MACROD2: variants seen among roughly 807,000 people sequenced by gnomAD.
MACROD2 encodes ADP-ribose glycohydrolase MACROD2.
In MACROD2, 36 loss-of-function variants were observed where a neutral mutation model predicts 70.4. The observed-to-expected ratio is 0.51, with a 90% CI of 0.39 to 0.68. The LOEUF (loss-of-function observed/expected upper bound fraction) is 0.68. Among genes scored for constraint, MACROD2 ranks in the 30% least tolerant of loss-of-function variants. The probability of loss-of-function intolerance (pLI) is 0.00; values close to 1 mark genes in which losing one functional copy is unlikely to be tolerated. For synonymous variants in MACROD2, 172 were observed against 178.8 expected, an observed-to-expected ratio of 0.96 and a Z score of 0.30; for missense variants, 496 against 538.4, an observed-to-expected ratio of 0.92 and a Z score of 0.78.
At chr20:15,132,670 A>T (rs2123280871) in intron 5 of MACROD2, among the ~76,000 whole-genome samples, 1 of 152,186 alleles carries the variant, frequency 6.6e-6, no homozygotes, top group East Asian at 1.9e-4. Context: ...GAAGAAATCA[A>T]AAGAAAAATT....
chr20:15,157,445 A>T (rs775214687), intron 5 of MACROD2, among the ~76,000 whole-genome samples: 4 of 111,480 alleles, frequency 3.6e-5, no homozygotes, highest in Non-Finnish European at 5.8e-5. Flanking sequence ...TTTAGGGAAG[A>T]CACAGGCATT....
At chr20:15,232,959 T>C (rs979623111) in intron 6 of MACROD2, among the ~76,000 whole-genome samples, 1 of 152,102 alleles carries the variant, frequency 6.6e-6, no homozygotes, top group Non-Finnish European at 1.5e-5. Context: ...AGACCTACTG[T>C]GTACCCTGAC....
At chr20:14,760,648 T>C (rs2072003934) in intron 5 of MACROD2, among the ~76,000 whole-genome samples, 1 of 152,088 alleles carries the variant, frequency 6.6e-6, no homozygotes, top group African/African-American at 2.4e-5. Flanking sequence ...TTGGTTCTTT[T>C]TAACCTTTTA....
intron 4 of MACROD2, among the ~76,000 whole-genome samples, chr20:14,615,625 A>G (rs1440122896): frequency 6.6e-6 from 1 of 152,112 alleles, no homozygotes; most frequent in Admixed American, 6.5e-5. Flanking sequence ...CCATGGGTCT[A>G]GAAGCTCAGG....
chr20:15,365,987 T>C (rs2045403435), intron 6 of MACROD2, among the ~76,000 whole-genome samples: 1 of 152,204 alleles, frequency 6.6e-6, no homozygotes, highest in Admixed American at 6.5e-5. Flanking sequence ...GACAAAAACC[T>C]TTACTTGCTT....
rs565027019 is a variant in MACROD2 at position 14,879,083 on chromosome 20, C to G, written c.418+194124C>G. On this transcript the variant is annotated intron_variant, in intron 5 of 17. Transcript: ENST00000684519. ...ACCTTACTCATCTCTGTTGTACTGA[C>G]AAATGGACTGTGAGCTCCGTATTTT... Among the ~76,000 whole-genome samples, 8 of 152,246 alleles carry G rather than the reference C, an allele frequency of 5.3e-5. No individual in the cohort carries two copies. The South Asian group carries it at 1.7e-3, about 32-fold the overall frequency.
intron 3 of MACROD2, among the ~76,000 whole-genome samples, chr20:14,208,883 A>T (rs2081547492): frequency 6.6e-6 from 1 of 152,222 alleles, no homozygotes; most frequent in Admixed American, 6.5e-5. Context: ...CATTCTCCTA[A>T]AAGTAGAAGA....
intron 5 of MACROD2, among the ~76,000 whole-genome samples, chr20:14,990,582 C>T (rs940181786): frequency 2.0e-5 from 3 of 148,258 alleles, no homozygotes; most frequent in South Asian, 2.1e-4. Flanking sequence ...GGCGCGATCT[C>T]GACTCACTGA....
intron 3 of MACROD2, among the ~76,000 whole-genome samples, chr20:14,338,737 A>C (rs373124451): frequency 6.6e-6 from 1 of 152,214 alleles, no homozygotes; most frequent in African/African-American, 2.4e-5. Flanking sequence ...ATTTAGGTAC[A>C]TGAATAAACA....
intron 1 of MACROD2, among the ~76,000 whole-genome samples, chr20:14,001,919 C>T (rs1274162870): frequency 6.6e-6 from 1 of 152,246 alleles, no homozygotes; most frequent in South Asian, 2.1e-4. Flanking sequence ...CACTAGACAC[C>T]ATGTCACACA....
At chr20:15,389,831 T>G (rs1261726622) in intron 6 of MACROD2, among the ~76,000 whole-genome samples, 1 of 152,214 alleles carries the variant, frequency 6.6e-6, no homozygotes, top group African/African-American at 2.4e-5. Context: ...ATAATATAAC[T>G]GTTCCTTCCC....
intron 3 of MACROD2, among the ~76,000 whole-genome samples, chr20:14,135,242 T>C (rs2054778970): frequency 6.6e-6 from 1 of 152,182 alleles, no homozygotes; most frequent in Non-Finnish European, 1.5e-5. Flanking sequence ...TGGACATAGA[T>C]ATACACATTC....
chr20:14,652,547 A>T (rs146476946), intron 4 of MACROD2, among the ~76,000 whole-genome samples: 1,919 of 152,290 alleles, frequency 0.013, 47 homozygotes, highest in African/African-American at 0.043. Flanking sequence ...TTGGAAGTTT[A>T]AAAACAACAG....
intron 8 of MACROD2, among the ~76,000 whole-genome samples, chr20:15,697,883 G>A (rs1301999415): frequency 2.0e-5 from 3 of 152,104 alleles, no homozygotes; most frequent in Admixed American, 6.5e-5. Context: ...ACCCCTGCTT[G>A]CTTTTGGTGT....
At chr20:15,761,748 C>T (rs890880318) in intron 8 of MACROD2, among the ~76,000 whole-genome samples, 7 of 152,174 alleles carry the variant, frequency 4.6e-5, no homozygotes, top group Admixed American at 6.5e-5. Context: ...CTCGGCCAAC[C>T]GCTCAATCAC....
chr20:14,123,149 A>G (rs866378887), intron 3 of MACROD2, among the ~76,000 whole-genome samples: 11 of 152,204 alleles, frequency 7.2e-5, no homozygotes, highest in South Asian at 6.2e-4. Context: ...CGGAAAGTAT[A>G]CAATTCTTAA....
intron 5 of MACROD2, among the ~76,000 whole-genome samples, chr20:15,212,568 G>GCAAGC (rs1026377523): frequency 1.8e-4 from 28 of 152,180 alleles, no homozygotes; most frequent in Non-Finnish European, 3.7e-4. Flanking sequence ...ACAGGGCAAG[G>GCAAGC]CAAGCCAGGA....
At chr20:15,341,100 C>T (rs954984484) in intron 6 of MACROD2, among the ~76,000 whole-genome samples, 6 of 152,084 alleles carry the variant, frequency 3.9e-5, no homozygotes, top group Non-Finnish European at 7.4e-5. Context: ...GATGCATAGA[C>T]GAACACCACA....
chr20:15,574,500 G>C (rs1316840897), intron 8 of MACROD2, among the ~76,000 whole-genome samples: 1 of 152,106 alleles, frequency 6.6e-6, no homozygotes, highest in African/African-American at 2.4e-5. Context: ...AGCACTAATG[G>C]TGTTTTGTTC....
Sources: allele counts gnomAD v4.1 joint callset (sites outside exome capture counted in the v4.1 genomes callset), GRCh38; gene constraint gnomAD v4.1.1; transcripts MANE v1.5; gene names NCBI Gene and HGNC (gene_info 2026-07-23, HGNC 2026-07-21).